The following ABL1 variants were observed in gnomAD, a reference collection of about 807,000 sequenced individuals.
ABL1 encodes ABL proto-oncogene 1, non-receptor tyrosine kinase.
A neutral mutation model predicts 94.7 loss-of-function variants in ABL1; 11 were observed. The ratio of observed to expected loss-of-function variants is 0.12; its 90% CI spans 0.07 to 0.19. The LOEUF (loss-of-function observed/expected upper bound fraction) is 0.19, where lower values mean the gene tolerates loss of function less well. ABL1 is among the 10% of genes least tolerant of loss of function. ABL1 has a pLI of 1.00. For synonymous variants in ABL1, 656 were observed against 622.4 expected (o/e 1.05, Z -0.80); for missense variants, 1,082 against 1,489.4 (o/e 0.73, Z 4.50).
intron 1 of ABL1, among the ~76,000 whole-genome samples, chr9:130,763,773 G>C (rs1449090001): frequency 6.6e-6 from 1 of 152,192 alleles, no homozygotes; most frequent in Non-Finnish European, 1.5e-5. Context: ...AATCACAGAT[G>C]CTACCCTGCT....
At chr9:130,754,335 C>T (rs562406970) in intron 1 of ABL1, among the ~76,000 whole-genome samples, 1 of 151,264 alleles carries the variant, frequency 6.6e-6, no homozygotes, top group East Asian at 2.0e-4. Flanking sequence ...GGTGAAACCC[C>T]GTCTCTACTA....
chr9:130,878,795 C>T lies in ABL1; in HGVS notation c.1423+228C>T, dbSNP rs35083598. Among the ~76,000 whole-genome samples the T allele has an allele frequency of 2.0e-5, 3 of 152,024 alleles. No individual in the cohort carries two copies. The East Asian group carries it at 5.8e-4, about 29-fold the overall frequency. On this transcript the variant is annotated intron_variant, in intron 8 of 10. Coordinates refer to ENST00000318560, the MANE Select transcript of ABL1 (RefSeq NM_005157.6). ...AAAAATGGTATTGATAGATACCAAACCTGGGTGTATTCCTAAATACAGATT... is the reference window on the plus strand; with the variant it reads ...AAAAATGGTATTGATAGATACCAAATCTGGGTGTATTCCTAAATACAGATT...
intron 7 of ABL1, among the ~76,000 whole-genome samples, chr9:130,877,187 T>A (rs1448754096): frequency 6.8e-6 from 1 of 148,098 alleles, no homozygotes; most frequent in African/African-American, 2.6e-5. Context: ...CTCCTAGTCA[T>A]TTTGACATTA....
At chr9:130,851,573 G>C (rs1308613117) in intron 1 of ABL1, among the ~76,000 whole-genome samples, 1 of 151,776 alleles carries the variant, frequency 6.6e-6, no homozygotes, top group African/African-American at 2.4e-5. Context: ...TTTTTTAAAA[G>C]ATAATTTTTT....
At chr9:130,874,426 T>C (rs989032935) in intron 6 of ABL1, among the ~76,000 whole-genome samples, 3 of 152,242 alleles carry the variant, frequency 2.0e-5, no homozygotes, top group African/African-American at 7.2e-5. Flanking sequence ...GATAGAAGTT[T>C]CTTGCAATCA....
In ABL1 at chr9:130,872,028, G is replaced by A. The variant is rs895464151; in HGVS notation, c.823-101G>A. ...GCTGTCACAAAACGCAGCCCAGGAC[G>A]AGTATGCGCTGAAGCTCCATTTTGC... On this transcript the variant is annotated intron_variant, in intron 4 of 10. Transcript: ENST00000318560. The surrounding 1 kb of genome is among the most constrained non-coding windows in gnomAD (Gnocchi z 5.0). The A allele has an allele frequency of 1.6e-5, 16 of 998,638 alleles. No individual in the cohort carries two copies. The highest frequency in any genetic ancestry group is 2.4e-5 in the Non-Finnish European group (16 of 655,834). 61.9% of individuals were successfully genotyped at this position (998,638 alleles called of 1,614,324 possible).
chr9:130,786,337 A>G (rs1184038346), intron 1 of ABL1, among the ~76,000 whole-genome samples: 1 of 152,156 alleles, frequency 6.6e-6, no homozygotes, highest in Non-Finnish European at 1.5e-5. Flanking sequence ...GGTGGTTCAG[A>G]GAATGGGCTC....
chr9:130,736,988 C>T (rs1275537060), intron 1 of ABL1, among the ~76,000 whole-genome samples: 2 of 152,296 alleles, frequency 1.3e-5, no homozygotes, highest in East Asian at 3.9e-4. Context: ...TTCCAAGCTC[C>T]AGAGGACCTG....
chr9:130,723,821 T>C (rs952343163), intron 1 of ABL1, among the ~76,000 whole-genome samples: 4 of 151,358 alleles, frequency 2.6e-5, no homozygotes, highest in Admixed American at 2.6e-4. Context: ...TTTTTTAACT[T>C]TTTTTTTTGA....
At chr9:130,757,936 G>GAAGCAATGGCCCCA (rs1259845823) in intron 1 of ABL1, among the ~76,000 whole-genome samples, 23 of 152,120 alleles carry the variant, frequency 1.5e-4, no homozygotes, top group African/African-American at 5.6e-4. Context: ...AGAAAGTGAG[G>GAAGCAATGGCCCCA]AAGCAATGGC....
At chr9:130,781,952 C>T (rs1306222519) in intron 1 of ABL1, among the ~76,000 whole-genome samples, 1 of 152,108 alleles carries the variant, frequency 6.6e-6, no homozygotes, top group African/African-American at 2.4e-5. Context: ...CATACATGTA[C>T]GTATATACAT....
In ABL1 at chr9:130,884,708, G is replaced by A. The variant is rs140235786; in HGVS notation, c.2418G>A (p.Pro806=). The A allele has an allele frequency of 1.1e-4, 183 of 1,612,518 alleles. No homozygotes were observed. The highest frequency in any genetic ancestry group is 1.6e-4 in the Middle Eastern group (1 of 6,082). Residue 806 remains proline (P), a synonymous_variant, in exon 11 of 11, where the codon CCG becomes CCA. Transcript: ENST00000318560. This position sits in a 1 kb window ranked among gnomAD's most constrained non-coding sequence, Gnocchi z 5.6. ...TCAAAGACATCATGGAGTCCAGCCC[G>A]GGCTCCAGCCCGCCCAACCTGACTC... ...EVFKDIMESS[P]GSSPPNLTPK...
In ABL1 at chr9:130,868,200, T is replaced by C. The variant is rs576116792; in HGVS notation, c.823-3929T>C. 7.0e-4 allele frequency among the ~76,000 whole-genome samples: 107 copies of C among 152,250 alleles called. 1 individual carries two copies. The highest frequency in any genetic ancestry group is 2.5e-3 in the African/African-American group (103 of 41,542). On this transcript the variant is annotated intron_variant, in intron 4 of 10. Transcript: ENST00000318560. ...GTCTCGATCTCCTGACTTCATGATC[T>C]GCCCTCCTCGGCCTCCCAAAGTGCT...
chr9:130,852,446 CA>C (rs1009189404), intron 1 of ABL1, among the ~76,000 whole-genome samples: 19 of 152,220 alleles, frequency 1.2e-4, no homozygotes, highest in African/African-American at 3.4e-4. Context: ...CAGGCTCAGG[CA>C]ATCTGCCTGC....
intron 1 of ABL1, among the ~76,000 whole-genome samples, chr9:130,781,539 T>G (rs1255173836): frequency 6.6e-6 from 1 of 152,216 alleles, no homozygotes; most frequent in Admixed American, 6.5e-5. Flanking sequence ...TTGACCATAT[T>G]TATATATGCA....
intron 1 of ABL1, among the ~76,000 whole-genome samples, chr9:130,839,962 T>A (rs2132925420): frequency 6.6e-6 from 1 of 152,332 alleles, no homozygotes. Flanking sequence ...CGAGGCTCAC[T>A]GTACCTTGGT....
At chr9:130,833,479 A>G (rs1019987715), upstream of ABL1, among the ~76,000 whole-genome samples, 1 of 152,190 alleles carries the variant, frequency 6.6e-6, no homozygotes, top group African/African-American at 2.4e-5. Flanking sequence ...CAGCAGAATG[A>G]CAGCGCTTCC....
intron 1 of ABL1, among the ~76,000 whole-genome samples, chr9:130,853,026 G>A (rs1349279718): frequency 6.6e-6 from 1 of 152,124 alleles, no homozygotes; most frequent in Non-Finnish European, 1.5e-5. Flanking sequence ...GTCTGTTACG[G>A]AGAATAGGAC....
At chr9:130,728,380 T>C in intron 1 of ABL1, among the ~76,000 whole-genome samples, 1 of 147,992 alleles carries the variant, frequency 6.8e-6, no homozygotes, top group South Asian at 2.1e-4. Flanking sequence ...TTTTTTTTTT[T>C]TTTCTTTTCT....
Sources: gnomAD v4.1 joint callset for allele counts (sites outside exome capture counted in the v4.1 genomes callset) on GRCh38, gnomAD v4.1.1 for gene constraint, Gnocchi (gnomAD v3.1) non-coding constraint, MANE v1.5 for transcripts, NCBI Gene and HGNC (gene_info 2026-07-23, HGNC 2026-07-21) for gene names.